The following TRIO variants were observed in gnomAD, a reference collection of about 807,000 sequenced individuals.
The protein encoded by TRIO is trio Rho guanine nucleotide exchange factor, also known as triple functional domain protein.
In TRIO, 58 loss-of-function variants were observed where a neutral mutation model predicts 351.9. The observed-to-expected ratio is 0.16, with a 90% CI of 0.13 to 0.21. TRIO has a LOEUF of 0.21. Ranked by LOEUF, TRIO falls within the 10% of genes least tolerant of loss-of-function variation. The pLI, the probability that TRIO is intolerant of heterozygous loss-of-function variation, is 1.00. For missense variants in TRIO, 3,201 were observed against 4,027.8 expected, an observed-to-expected ratio of 0.79 and a Z score of 5.56; for synonymous variants, 1,758 against 1,595.7, an observed-to-expected ratio of 1.10 and a Z score of -2.42.
chr5:14,507,442 C>T (rs1310328200), intron 56 of TRIO, among the ~76,000 whole-genome samples, 182 bp downstream of exon 56: 2 of 152,192 alleles, frequency 1.3e-5, no homozygotes, highest in African/African-American at 4.8e-5. Flanking sequence ...TTCAGTGATG[C>T]ACACGGTCAG....
intron 11 of TRIO, among the ~76,000 whole-genome samples, chr5:14,344,000 G>T (rs773017386): frequency 6.6e-6 from 1 of 152,368 alleles, no homozygotes; most frequent in East Asian, 1.9e-4. Flanking sequence ...AGAAAGTTCA[G>T]TGTATATGAT....
chr5:14,348,350 T>G (rs1282766604), intron 11 of TRIO, among the ~76,000 whole-genome samples: 2 of 152,252 alleles, frequency 1.3e-5, no homozygotes, highest in Admixed American at 6.5e-5. Flanking sequence ...GCTCAACAAT[T>G]GATGAAATAC....
chr5:14,191,218 G>A (rs767597811), intron 1 of TRIO, among the ~76,000 whole-genome samples: 3 of 152,156 alleles, frequency 2.0e-5, no homozygotes, highest in Non-Finnish European at 4.4e-5. Flanking sequence ...ATATGACCTA[G>A]TTGGAGTACG....
chr5:14,282,936 T>C (rs1187367154), intron 3 of TRIO, among the ~76,000 whole-genome samples: 1 of 152,098 alleles, frequency 6.6e-6, no homozygotes, highest in East Asian at 1.9e-4. Flanking sequence ...CGAGTGATAA[T>C]GGAGAAAGAT....
intron 1 of TRIO, among the ~76,000 whole-genome samples, chr5:14,154,338 C>T (rs1043061711): frequency 3.7e-4 from 56 of 151,936 alleles, no homozygotes; most frequent in African/African-American, 6.8e-4. Flanking sequence ...GGAACGGGGC[C>T]GGGGAGTGAG....
intron 34 of TRIO, among the ~76,000 whole-genome samples, chr5:14,458,356 CT>C (rs1753523310): frequency 6.6e-6 from 1 of 152,172 alleles, no homozygotes; most frequent in African/African-American, 2.4e-5. Context: ...AGGCCCCTGC[CT>C]TCCTGGAGCT....
At chr5:14,248,886 C>T (rs554648421) in intron 1 of TRIO, among the ~76,000 whole-genome samples, 4 of 152,190 alleles carry the variant, frequency 2.6e-5, no homozygotes, top group Non-Finnish European at 5.9e-5. Context: ...GGACGTGGTA[C>T]TTCTGGGGTT....
chr5:14,403,881 A>AGGT (rs1201135201), intron 31 of TRIO, among the ~76,000 whole-genome samples: 1 of 71,688 alleles, frequency 1.4e-5, no homozygotes, highest in South Asian at 5.2e-4. Context: ...GTGAGGGTGC[A>AGGT]GGTGGTGGTG....
rs1224218329 is a variant in TRIO, at chr5:14,151,385, TTTG to T, written c.157+7505_157+7507del. On this transcript the variant is annotated intron_variant, in intron 1 of 56. Coordinates refer to ENST00000344204, the MANE Select transcript of TRIO (RefSeq NM_007118.4). ...TTTTTTCATTGTGTGTGTGTGTGTG[TTTG>T]TGTGTGTGTGTGTGTGTGTGTATGT... Among the ~76,000 whole-genome samples, 651 of 85,212 alleles carry T rather than the reference TTTG, an allele frequency of 7.6e-3. 2 individuals are homozygous for T. Among genetic ancestry groups the T allele is most frequent in the Non-Finnish European group, 0.01 (445 of 43,342 alleles). The allele number at this position is 85,212 out of a possible 152,430, so 55.9% of individuals were successfully genotyped here.
At chr5:14,405,771 A>G in intron 31 of TRIO, 77 bp from the exon 32 acceptor site, 1 of 1,477,198 alleles carries the variant, frequency 6.8e-7, no homozygotes, top group Non-Finnish European at 9.1e-7. Flanking sequence ...CAAGGAATGC[A>G]GGAAACCTGG....
At chr5:14,317,300 T>C (rs1222746337) in intron 9 of TRIO, among the ~76,000 whole-genome samples, 1 of 152,196 alleles carries the variant, frequency 6.6e-6, no homozygotes, top group African/African-American at 2.4e-5. Context: ...TTCCTTATTA[T>C]AGAATAAGAG....
chr5:14,248,498 A>G (rs1581441965), intron 1 of TRIO, among the ~76,000 whole-genome samples: 1 of 152,162 alleles, frequency 6.6e-6, no homozygotes, highest in South Asian at 2.1e-4. Flanking sequence ...GATTAAATAC[A>G]CCCGGGGCCC....
chr5:14,423,999 A>C (rs1750405541), intron 34 of TRIO, among the ~76,000 whole-genome samples: 2 of 150,658 alleles, frequency 1.3e-5, no homozygotes, highest in Admixed American at 6.6e-5. Context: ...GCTATGATCA[A>C]ACCACTGCAC....
intron 1 of TRIO, among the ~76,000 whole-genome samples, chr5:14,260,480 G>A (rs765021730): frequency 3.0e-4 from 45 of 152,288 alleles, no homozygotes; most frequent in Non-Finnish European, 5.9e-4. Flanking sequence ...TTTTATGAAT[G>A]CCAAGCGATT....
chr5:14,488,525 C>A, intron 48 of TRIO: 1 of 541,338 alleles, frequency 1.8e-6, no homozygotes, highest in Non-Finnish European at 3.2e-6. Context: ...CCATTTCCAA[C>A]CAGCAGAATA....
intron 2 of TRIO, among the ~76,000 whole-genome samples, chr5:14,277,625 T>C (rs1386680158): frequency 6.6e-6 from 1 of 152,212 alleles, no homozygotes; most frequent in Non-Finnish European, 1.5e-5. Flanking sequence ...AGTGCTGTTA[T>C]TTTTACTAGT....
chr5:14,199,216 A>AAAC (rs1790953881), intron 1 of TRIO, among the ~76,000 whole-genome samples: 1 of 149,568 alleles, frequency 6.7e-6, no homozygotes, highest in East Asian at 1.9e-4. Context: ...AAAAAAAAAA[A>AAAC]AAACCTCCCT....
intron 1 of TRIO, among the ~76,000 whole-genome samples, chr5:14,218,389 G>A (rs1792360407): frequency 1.3e-5 from 2 of 152,144 alleles, no homozygotes; most frequent in Non-Finnish European, 2.9e-5. Context: ...AGAAGAAATA[G>A]TCCCAATGTT....
chr5:14,398,489 A>G (rs757005772), intron 29 of TRIO, among the ~76,000 whole-genome samples: 4 of 152,058 alleles, frequency 2.6e-5, no homozygotes, highest in Non-Finnish European at 5.9e-5. Flanking sequence ...GCTGGGAAGT[A>G]GGTGGGGGCT....
Sources: allele counts gnomAD v4.1 joint callset (sites outside exome capture counted in the v4.1 genomes callset), GRCh38; gene constraint gnomAD v4.1.1; transcripts MANE v1.5; gene names NCBI Gene and HGNC (gene_info 2026-07-23, HGNC 2026-07-21).